The following GRIK2 variants were observed in gnomAD, a reference collection of about 807,000 sequenced individuals.
GRIK2 encodes the protein glutamate receptor ionotropic, kainate 2.
A neutral mutation model predicts 100.3 loss-of-function variants in GRIK2; 32 were observed. The ratio of observed to expected loss-of-function variants is 0.32; its 90% CI spans 0.24 to 0.43. The LOEUF (loss-of-function observed/expected upper bound fraction) is 0.43, where lower values mean the gene tolerates loss of function less well. GRIK2 is among the 20% of genes least tolerant of loss of function. GRIK2 has a pLI of 1.00. For missense variants in GRIK2, 843 were observed against 1,114.9 expected, an observed-to-expected ratio of 0.76 and a Z score of 3.47; for synonymous variants, 417 against 389.4, an observed-to-expected ratio of 1.07 and a Z score of -0.83.
At chr6:101,744,936 T>C (rs756062158) in intron 7 of GRIK2, 10 of 152,074 alleles carry the variant, frequency 6.6e-5, no homozygotes, top group Non-Finnish European at 1.3e-4. Flanking sequence ...TTCCATATGT[T>C]TGCAACTGCA....
At chr6:101,988,102 T>C (rs980812938) in intron 14 of GRIK2, among the ~76,000 whole-genome samples, 1,685 of 32,734 alleles carry the variant, frequency 0.051, 35 homozygotes, top group African/African-American at 0.15. Context: ...TGTGTGTGTG[T>C]GTGTGTGTGT....
chr6:101,480,061 C>A (rs1261506071), intron 2 of GRIK2, among the ~76,000 whole-genome samples: 1 of 152,090 alleles, frequency 6.6e-6, no homozygotes, highest in African/African-American at 2.4e-5. Context: ...CAATTCCTTC[C>A]CTAAGATTTC....
At chr6:101,836,751 T>C (rs1188443182) in intron 10 of GRIK2, among the ~76,000 whole-genome samples, 4 of 140,476 alleles carry the variant, frequency 2.8e-5, no homozygotes, top group African/African-American at 1.0e-4. Context: ...CTGCAACCTC[T>C]GCCTCCAGGG....
At chr6:101,583,907 G>C (rs1423532214) in intron 2 of GRIK2, among the ~76,000 whole-genome samples, 1 of 152,018 alleles carries the variant, frequency 6.6e-6, no homozygotes, top group Non-Finnish European at 1.5e-5. Context: ...AAAATTAAAA[G>C]CAGCTTTGAT....
chr6:101,905,068 T>C (rs1355693955), intron 12 of GRIK2, among the ~76,000 whole-genome samples: 1 of 151,572 alleles, frequency 6.6e-6, no homozygotes, highest in Non-Finnish European at 1.5e-5. Context: ...GGAATACAAG[T>C]ATATAGTACA....
intron 2 of GRIK2, among the ~76,000 whole-genome samples, chr6:101,584,761 C>T (rs1302092303): frequency 6.6e-6 from 1 of 151,928 alleles, no homozygotes; most frequent in Non-Finnish European, 1.5e-5. Flanking sequence ...AAGGAACTGG[C>T]ATTATGGATA....
chr6:101,664,410 G>C (rs1003137835), intron 4 of GRIK2, among the ~76,000 whole-genome samples: 2 of 152,176 alleles, frequency 1.3e-5, no homozygotes, highest in South Asian at 2.1e-4. Context: ...TCACGATTGA[G>C]ATGCAAGCAA....
At chr6:101,802,461 T>C (rs1360766082) in intron 9 of GRIK2, 23 bp downstream of exon 9, 6 of 1,022,788 alleles carry the variant, frequency 5.9e-6, no homozygotes, top group African/African-American at 1.6e-5. Flanking sequence ...GCTTATTTGC[T>C]TTAATTACTA....
intron 11 of GRIK2, among the ~76,000 whole-genome samples, chr6:101,878,877 A>T (rs1403029853): frequency 6.6e-6 from 1 of 152,016 alleles, no homozygotes; most frequent in Admixed American, 6.6e-5. Context: ...GACTACCTGG[A>T]TCAAGCAGTA....
At chr6:102,025,280 G>T (rs13210850) in intron 14 of GRIK2, among the ~76,000 whole-genome samples, 40,902 of 150,908 alleles carry the variant, frequency 0.27, 5,932 homozygotes, top group East Asian at 0.34. Flanking sequence ...GAGCTATAAG[G>T]ATAGGGGAAA....
intron 2 of GRIK2, among the ~76,000 whole-genome samples, chr6:101,576,727 G>A (rs566628049): frequency 6.6e-6 from 1 of 151,986 alleles, no homozygotes; most frequent in East Asian, 1.9e-4. Flanking sequence ...TGGCATATAT[G>A]TATTACTTTT....
chr6:101,707,476 TATAA>T (rs1773385911), intron 7 of GRIK2, among the ~76,000 whole-genome samples: 1 of 146,358 alleles, frequency 6.8e-6, no homozygotes, highest in Admixed American at 6.9e-5. Context: ...ATATATAATA[TATAA>T]ATATATATAT....
intron 12 of GRIK2, among the ~76,000 whole-genome samples, chr6:101,900,646 T>A (rs1014217785): frequency 3.9e-5 from 6 of 152,096 alleles, no homozygotes; most frequent in Non-Finnish European, 8.8e-5. Flanking sequence ...ACATTTCCAA[T>A]TTATTTAGTG....
At chr6:101,465,932 C>A (rs574343063) in intron 2 of GRIK2, among the ~76,000 whole-genome samples, 4 of 152,086 alleles carry the variant, frequency 2.6e-5, no homozygotes, top group Non-Finnish European at 5.9e-5. Flanking sequence ...TAGAGGGAGG[C>A]AATGTCTAAA....
intron 7 of GRIK2, among the ~76,000 whole-genome samples, chr6:101,714,658 C>A (rs1236872601): frequency 6.6e-6 from 1 of 151,746 alleles, no homozygotes; most frequent in South Asian, 2.1e-4. Flanking sequence ...AGTTTTATCA[C>A]AAACAATGTC....
intron 12 of GRIK2, among the ~76,000 whole-genome samples, chr6:101,898,141 A>G (rs1477701796): frequency 6.6e-6 from 1 of 151,928 alleles, no homozygotes; most frequent in Admixed American, 6.6e-5. Context: ...GAATAAATAC[A>G]TATATAGCAG....
At chr6:101,442,981 A>G (rs965315032) in intron 2 of GRIK2, among the ~76,000 whole-genome samples, 1 of 152,170 alleles carries the variant, frequency 6.6e-6, no homozygotes, top group African/African-American at 2.4e-5. Flanking sequence ...TATAATGTTT[A>G]CAATAGAATA....
intron 14 of GRIK2, among the ~76,000 whole-genome samples, chr6:101,943,859 G>A (rs1273085550): frequency 3.9e-5 from 6 of 152,138 alleles, no homozygotes; most frequent in African/African-American, 1.4e-4. Flanking sequence ...GTTAATGCTG[G>A]ACACTGTTGG....
chr6:101,541,440 T>A (rs77262780), intron 2 of GRIK2, among the ~76,000 whole-genome samples: 150,865 of 150,878 alleles, frequency 1, 75,426 homozygotes, highest in Middle Eastern at 1. Flanking sequence ...TACACCCTTA[T>A]ACAAACCCAA....
Sources: allele counts gnomAD v4.1 joint callset (sites outside exome capture counted in the v4.1 genomes callset), GRCh38; gene constraint gnomAD v4.1.1; transcripts MANE v1.5; gene names NCBI Gene and HGNC (gene_info 2026-07-23, HGNC 2026-07-21).